The following CSMD1 variants were observed in gnomAD, a reference collection of about 807,000 sequenced individuals.
The protein encoded by CSMD1 is CUB and Sushi multiple domains 1.
A neutral mutation model predicts 417.5 loss-of-function variants in CSMD1; 213 were observed. The ratio of observed to expected loss-of-function variants is 0.51; its 90% confidence interval spans 0.46 to 0.57. The LOEUF is 0.57. Among genes scored for constraint, CSMD1 ranks in the 20% least tolerant of loss-of-function variants. The pLI, the probability that CSMD1 is intolerant of heterozygous loss-of-function variation, is 0.00. For synonymous variants in CSMD1, 2,862 were observed against 1,736.8 expected, an observed-to-expected ratio of 1.65 and a Z score of -16.11; for missense variants, 6,923 against 4,529.7, an observed-to-expected ratio of 1.53 and a Z score of -15.17.
chr8:3,584,532 C>A (rs915295880), intron 9 of CSMD1, among the ~76,000 whole-genome samples: 1 of 130,940 alleles, frequency 7.6e-6, no homozygotes, highest in African/African-American at 2.5e-5. Context: ...GTGATAAGCA[C>A]CTCTGAGTGT....
At chr8:2,970,992 G>A (rs528421533) in intron 57 of CSMD1, among the ~76,000 whole-genome samples, 34 of 152,192 alleles carry the variant, frequency 2.2e-4, no homozygotes, top group African/African-American at 7.2e-4. Context: ...TTCTCCCTCT[G>A]TCTCTCTAAA....
chr8:4,787,521 A>T (rs1797468539), intron 1 of CSMD1: 4 of 1,109,722 alleles, frequency 3.6e-6, no homozygotes, highest in Non-Finnish European at 5.5e-6. Flanking sequence ...TTATTATAGG[A>T]AGCAGGTATT....
chr8:3,696,130 A>G (rs1420221029), intron 7 of CSMD1, among the ~76,000 whole-genome samples: 6 of 152,208 alleles, frequency 3.9e-5, no homozygotes, highest in Non-Finnish European at 5.9e-5. Flanking sequence ...ACTTGAAGCC[A>G]TGGTTTTCCC....
At chr8:3,895,018 C>G (rs552703559) in intron 5 of CSMD1, among the ~76,000 whole-genome samples, 1 of 152,096 alleles carries the variant, frequency 6.6e-6, no homozygotes, top group African/African-American at 2.4e-5. Context: ...TTAGTGGAGG[C>G]CATTTGTGAG....
At chr8:4,300,778 T>G (rs1047678191) in intron 3 of CSMD1, among the ~76,000 whole-genome samples, 4 of 152,178 alleles carry the variant, frequency 2.6e-5, no homozygotes, top group Admixed American at 6.5e-5. Flanking sequence ...GGTGAGAACA[T>G]GCAGTGTTTG....
intron 3 of CSMD1, among the ~76,000 whole-genome samples, chr8:4,321,719 G>C (rs777943695): frequency 6.6e-6 from 1 of 152,122 alleles, no homozygotes; most frequent in Non-Finnish European, 1.5e-5. Flanking sequence ...GTTGATTAAA[G>C]TTTCCAAATT....
intron 6 of CSMD1, among the ~76,000 whole-genome samples, chr8:3,735,329 C>G (rs1796477455): frequency 6.6e-6 from 1 of 152,162 alleles, no homozygotes; most frequent in Non-Finnish European, 1.5e-5. Flanking sequence ...CACAAACACA[C>G]ACACACACAA....
intron 10 of CSMD1, among the ~76,000 whole-genome samples, chr8:3,512,375 G>A (rs1201762697): frequency 6.6e-6 from 1 of 152,090 alleles, no homozygotes; most frequent in African/African-American, 2.4e-5. Context: ...AGAAATTCAA[G>A]ATTACTCGTG....
chr8:3,472,808 T>C (rs1205284889), intron 11 of CSMD1, among the ~76,000 whole-genome samples: 2 of 152,054 alleles, frequency 1.3e-5, no homozygotes, highest in Non-Finnish European at 2.9e-5. Flanking sequence ...AAACATGAAA[T>C]ACCTGCCTCT....
At chr8:4,509,296 TG>T (rs1421105637) in intron 2 of CSMD1, among the ~76,000 whole-genome samples, 1 of 152,078 alleles carries the variant, frequency 6.6e-6, no homozygotes, top group Non-Finnish European at 1.5e-5. Flanking sequence ...GTCAGGAGAT[TG>T]GAAGATGTTT....
At chr8:4,602,146 G>C (rs936169514) in intron 2 of CSMD1, among the ~76,000 whole-genome samples, 1 of 152,106 alleles carries the variant, frequency 6.6e-6, no homozygotes, top group African/African-American at 2.4e-5. Flanking sequence ...AGTTCCCTAA[G>C]GTGAACTGGC....
intron 30 of CSMD1, among the ~76,000 whole-genome samples, chr8:3,212,833 T>C (rs1350539320): frequency 4.2e-5 from 6 of 141,454 alleles, no homozygotes; most frequent in Admixed American, 4.2e-4. Flanking sequence ...CTTATATACT[T>C]TTTTTTTTTT....
At chr8:3,597,837 G>A (rs902956149) in intron 8 of CSMD1, among the ~76,000 whole-genome samples, 1 of 152,154 alleles carries the variant, frequency 6.6e-6, no homozygotes, top group African/African-American at 2.4e-5. Flanking sequence ...GGCCTGTCGG[G>A]GGGTTGGGGA....
chr8:4,259,740 C>G (rs1803739120), intron 3 of CSMD1, among the ~76,000 whole-genome samples: 1 of 151,938 alleles, frequency 6.6e-6, no homozygotes, highest in South Asian at 2.1e-4. Context: ...TACACATACA[C>G]ATGTATTTCA....
intron 10 of CSMD1, among the ~76,000 whole-genome samples, chr8:3,547,825 CA>C (rs1798739897): frequency 6.6e-6 from 1 of 152,046 alleles, no homozygotes; most frequent in Non-Finnish European, 1.5e-5. Context: ...TAAAGACATG[CA>C]AACAAAGTTT....
chr8:3,173,638 T>C (rs1820720921), intron 37 of CSMD1, among the ~76,000 whole-genome samples: 2 of 152,224 alleles, frequency 1.3e-5, no homozygotes, highest in Non-Finnish European at 1.5e-5. Context: ...CTGGTTTATA[T>C]GGTCCTTCCT....
intron 18 of CSMD1, among the ~76,000 whole-genome samples, chr8:3,379,491 C>A (rs949126726): frequency 1.3e-5 from 2 of 152,126 alleles, no homozygotes; most frequent in Admixed American, 6.6e-5. Flanking sequence ...TACCTGACTT[C>A]GAACTATACT....
chr8:3,006,269 A>T (rs1270254023), intron 52 of CSMD1, among the ~76,000 whole-genome samples: 5 of 151,720 alleles, frequency 3.3e-5, no homozygotes, highest in Admixed American at 2.6e-4. Flanking sequence ...AAGGAAATAA[A>T]AGAGGATACA....
chr8:3,298,397 C>T (rs781128803), intron 25 of CSMD1, among the ~76,000 whole-genome samples: 8 of 152,152 alleles, frequency 5.3e-5, no homozygotes, highest in South Asian at 4.1e-4. Flanking sequence ...CTAACGGTAT[C>T]AATGGGTGTG....
Sources: gnomAD v4.1 joint callset for allele counts (sites outside exome capture counted in the v4.1 genomes callset) on GRCh38, gnomAD v4.1.1 for gene constraint, MANE v1.5 for transcripts, NCBI Gene and HGNC (gene_info 2026-07-23, HGNC 2026-07-21) for gene names.